The following OR52A1 variants were observed in gnomAD, a reference collection of about 807,000 sequenced individuals.
OR52A1 encodes the protein olfactory receptor family 52 subfamily A member 1.
In OR52A1, 14 loss-of-function variants were observed where a neutral mutation model predicts 14.3. The observed-to-expected ratio is 0.98, with a 90% CI of 0.65 to 1.54. The LOEUF is 1.54. OR52A1 is among the 40% of genes most tolerant of loss of function. OR52A1 has a pLI of 0.00. For missense variants in OR52A1, 405 were observed against 381.3 expected, an observed-to-expected ratio of 1.06 and a Z score of -0.52; for synonymous variants, 151 against 135.3, an observed-to-expected ratio of 1.12 and a Z score of -0.80.
chr11:5,149,333 T>C lies in OR52A1; in HGVS notation c.*2098A>G, dbSNP rs1170420992. On this transcript the variant is annotated 3_prime_UTR_variant, in exon 2 of 2. Transcript: ENST00000380367. ...TCTTTGTTGGACCTATATTACCACATATTTTTGGTGGTGCTGCTTAAAGTG... is the reference window on the plus strand; with the variant it reads ...TCTTTGTTGGACCTATATTACCACACATTTTTGGTGGTGCTGCTTAAAGTG... The C allele has an allele frequency of 1.3e-5, 2 of 152,204 alleles. No individual in the cohort carries two copies. The highest frequency in any genetic ancestry group is 4.8e-5 in the African/African-American group (2 of 41,466). 9.4% of individuals were successfully genotyped at this position (152,204 alleles called of 1,614,324 possible).
intron 1 of OR52A1, among the ~76,000 whole-genome samples, chr11:5,154,212 A>C (rs1041337198): frequency 1.3e-5 from 2 of 152,168 alleles, no homozygotes; most frequent in Non-Finnish European, 2.9e-5. Flanking sequence ...CAAAGAGCTG[A>C]CATGTGAGTA....
In OR52A1 at chr11:5,149,341, G is replaced by A. The variant is rs1441318473; in HGVS notation, c.*2090C>T. On this transcript the variant is annotated 3_prime_UTR_variant, in exon 2 of 2. Transcript: ENST00000380367. ...GGACCTATATTACCACATATTTTTG[G>A]TGGTGCTGCTTAAAGTGGTCATTGT... is the stretch of plus-strand genomic sequence containing the variant. The A allele has an allele frequency of 6.6e-6, 1 of 152,050 alleles. No individual in the cohort carries two copies. The highest frequency in any genetic ancestry group is 2.4e-5 in the African/African-American group (1 of 41,418). The allele number at this position is 152,050 out of a possible 1,614,324, so 9.4% of individuals were successfully genotyped here. A position where few individuals can be genotyped will look rare whatever the true frequency, so the allele number is the denominator to read the frequency against.
In OR52A1 at chr11:5,152,226, C is replaced by G; in HGVS notation, c.144G>C (p.Leu48=). 6.2e-7 allele frequency: 1 copy of G among 1,614,112 alleles called. No homozygotes were observed. The highest frequency in any genetic ancestry group is 8.5e-7 in the Non-Finnish European group (1 of 1,179,998). ...GACTGCGCTCAGATTTGATGATGCTCAGAAGCAAGGAATTTCCAATCATAG... is the reference window on the plus strand; with the variant it reads ...GACTGCGCTCAGATTTGATGATGCTGAGAAGCAAGGAATTTCCAATCATAG... ...LIAMIGNSLL[L]SIIKSERSLH... Residue 48 remains leucine, a synonymous_variant, in exon 2 of 2, where the codon CTG becomes CTC. Coordinates refer to ENST00000380367, the MANE Select transcript of OR52A1 (RefSeq NM_012375.3).
In OR52A1 at chr11:5,153,203, G is replaced by C. The variant is rs573174710; in HGVS notation, c.-321-513C>G. Among the ~76,000 whole-genome samples, 6 of 152,306 alleles carry C rather than the reference G, an allele frequency of 3.9e-5. No homozygotes were observed. In the East Asian group the frequency reaches 9.6e-4, roughly 24 times the overall value. ...GCCTACGGCAAGAGAACTTGCTCCT[G>C]ATAAACCACAGATACTGAATAATGG... On this transcript the variant is annotated intron_variant, in intron 1 of 1. Coordinates refer to ENST00000380367, the MANE Select transcript of OR52A1 (RefSeq NM_012375.3).
rs756636992 is a variant in OR52A1, at chr11:5,152,104, A to C, written c.266T>G (p.Phe89Cys). ...ATCAAAATAGATTTCAGGCACATTAAACCAGAATATTCCAAGCATCTTTGG... is the reference window on the plus strand; with the variant it reads ...ATCAAAATAGATTTCAGGCACATTACACCAGAATATTCCAAGCATCTTTGG... ...IMPKMLGIFW[F>C]NVPEIYFDSC... The change falls in exon 2 of 2, where the codon TTT (phenylalanine) becomes TGT (cysteine). Residue 89 changes from phenylalanine (F) to cysteine (C), a missense_variant. Phe to Cys is a radical substitution (Grantham distance 205). Transcript: ENST00000380367. The C allele has an allele frequency of 3.7e-6, 6 of 1,614,106 alleles. No individual in the cohort carries two copies. In the East Asian group the frequency reaches 1.1e-4, roughly 30 times the overall value.
At position 5,154,728 on chromosome 11, in the gene OR52A1, T is replaced by C. The variant is rs866610098; in HGVS notation, c.-603A>G. ...TCCCCCAGTAAAACTCATAGTGAGG[T>C]CTGTAGCATTCTGAAACACGGGATG... On this transcript the variant is annotated 5_prime_UTR_variant, in exon 1 of 2. Transcript: ENST00000380367. 2.6e-5 allele frequency: 4 copies of C among 152,202 alleles called. No homozygotes were observed. Among genetic ancestry groups the C allele is most frequent in the South Asian group, 2.1e-4 (1 of 4,832 alleles). The allele number at this position is 152,202 out of a possible 1,614,324, so 9.4% of individuals were successfully genotyped here. A position where few individuals can be genotyped will look rare whatever the true frequency, so the allele number is the denominator to read the frequency against.
chr11:5,151,354 A>T lies in OR52A1; in HGVS notation c.*77T>A. 8.2e-7 allele frequency: 1 copy of T among 1,214,250 alleles called. No individual in the cohort carries two copies. The highest frequency in any genetic ancestry group is 1.2e-6 in the Non-Finnish European group (1 of 859,100). 75.2% of individuals were successfully genotyped at this position (1,214,250 alleles called of 1,614,324 possible). A position where few individuals can be genotyped will look rare whatever the true frequency, so the allele number is the denominator to read the frequency against. ...ATTTCACAAACCCAGCATCTCAAAT[A>T]ATATGTTTTTTGTTTTGTTTTGATA... On this transcript the variant is annotated 3_prime_UTR_variant, in exon 2 of 2. Coordinates refer to ENST00000380367, the MANE Select transcript of OR52A1 (RefSeq NM_012375.3).
rs544280913 is a variant in OR52A1 at position 5,154,174 on chromosome 11, C to T, written c.-322+273G>A. Among the ~76,000 whole-genome samples, 24 of 152,256 alleles carry T rather than the reference C, an allele frequency of 1.6e-4. 1 individual carries two copies. In the South Asian group the frequency reaches 5.0e-3, roughly 32 times the overall value. Reference sequence around the variant, plus strand: ...AATTAGAATAAGAATCCTTTAATGGCAATCACAATGTCTGACTTATTCAAG... The same window carrying T: ...AATTAGAATAAGAATCCTTTAATGGTAATCACAATGTCTGACTTATTCAAG... On this transcript the variant is annotated intron_variant, in intron 1 of 1. Transcript: ENST00000380367.
rs2133536505 is a variant in OR52A1 at position 5,152,001 on chromosome 11, G to T, written c.369C>A (p.Asp123Glu). 1 of 1,614,066 alleles carries T rather than the reference G, an allele frequency of 6.2e-7. No individual in the cohort carries two copies. The highest frequency in any genetic ancestry group is 1.1e-5 in the South Asian group (1 of 91,082). Residue 123 changes from aspartate to glutamate, a missense_variant, in exon 2 of 2, where the codon GAC (aspartate) becomes GAA (glutamate). Coordinates refer to ENST00000380367, the MANE Select transcript of OR52A1 (RefSeq NM_012375.3). ...ESGILVAMALDRYVAICYPLR... is the reference protein window; with the variant it reads ...ESGILVAMALERYVAICYPLR... ...GTGGATAACAGATGGCCACATAACG[G>T]TCCAGGGCCATGGCCACAAGGATGC...
chr11:5,153,317 G>C (rs891769301), intron 1 of OR52A1, among the ~76,000 whole-genome samples: 4 of 152,232 alleles, frequency 2.6e-5, no homozygotes, highest in Middle Eastern at 6.8e-3. Context: ...CCCAATAAAG[G>C]CTCATTAGTT....
chr11:5,151,867 C>A lies in OR52A1; in HGVS notation c.503G>T (p.Arg168Leu). The change falls in exon 2 of 2, where the codon CGG (arginine) becomes CTG (leucine). Residue 168 changes from arginine to leucine, a missense_variant. Arg to Leu is a moderately radical substitution (Grantham distance 102, BLOSUM62 -2). Transcript: ENST00000380367. Reference protein sequence around the residue: ...VAPCLVLIKCRFQFYHTTVIS... With the variant: ...VAPCLVLIKCLFQFYHTTVIS... ...GACTGTTGTGTGATAAAATTGAAAC[C>A]GGCACTTTATCAGTACTAGGCATGG... The A allele has an allele frequency of 1.2e-6, 2 of 1,614,120 alleles. No individual in the cohort carries two copies. Among genetic ancestry groups the A allele is most frequent in the South Asian group, 2.2e-5 (2 of 91,080 alleles).
In OR52A1 at chr11:5,152,594, G is replaced by A. The variant is rs562058086; in HGVS notation, c.-225C>T. ...CATTCACAGGCACTGTGCCATAATA[G>A]GATGTTATGTGCATGGCAATCCAAA... is the stretch of plus-strand genomic sequence containing the variant. On this transcript the variant is annotated 5_prime_UTR_variant, in exon 2 of 2. Transcript: ENST00000380367. The A allele has an allele frequency of 2.5e-4, 127 of 503,618 alleles. No individual in the cohort carries two copies. Among genetic ancestry groups the A allele is most frequent in the African/African-American group, 2.2e-3 (113 of 52,498 alleles). The allele number at this position is 503,618 out of a possible 1,614,324, so 31.2% of individuals were successfully genotyped here.
Position 5,152,030 on chromosome 11 carries a change from A to G in OR52A1, c.340T>C (p.Ser114Pro), listed in dbSNP as rs1287734971. 6.2e-7 allele frequency: 1 copy of G among 1,614,068 alleles called. No homozygotes were observed. The highest frequency in any genetic ancestry group is 1.7e-5 in the Admixed American group (1 of 60,000). The stretch of plus-strand genomic sequence containing the variant: ...AGGGCCATGGCCACAAGGATGCCTG[A>G]CTCTATACCCTGCAATGTGTGGATG... ...WFIHTLQGIESGILVAMALDR... is the reference protein window; with the variant it reads ...WFIHTLQGIEPGILVAMALDR... Residue 114 changes from serine (S) to proline (P), a missense_variant, in exon 2 of 2, where the codon TCA (serine) becomes CCA (proline). Transcript: ENST00000380367.
At position 5,151,423 on chromosome 11, in the gene OR52A1, G is replaced by A. The variant is rs908504016; in HGVS notation, c.*8C>T. On this transcript the variant is annotated 3_prime_UTR_variant, in exon 2 of 2. Coordinates refer to ENST00000380367, the MANE Select transcript of OR52A1 (RefSeq NM_012375.3). ...AAAAAAGCATGTAGGCATTAATTAA[G>A]GTGGATTTTATGAACAGAACATTTT... The A allele has an allele frequency of 2.5e-6, 4 of 1,590,590 alleles. No individual in the cohort carries two copies. In the South Asian group the frequency reaches 4.6e-5, roughly 18 times the overall value.
In OR52A1 at chr11:5,151,281, T is replaced by G. The variant is rs889342617; in HGVS notation, c.*150A>C. The G allele has an allele frequency of 4.6e-6, 3 of 650,634 alleles. No individual in the cohort carries two copies. The African/African-American group carries it at 5.4e-5, about 12-fold the overall frequency. The allele number at this position is 650,634 out of a possible 1,614,324, so 40.3% of individuals were successfully genotyped here. On this transcript the variant is annotated 3_prime_UTR_variant, in exon 2 of 2. Coordinates refer to ENST00000380367, the MANE Select transcript of OR52A1 (RefSeq NM_012375.3). The stretch of plus-strand genomic sequence containing the variant: ...AGTCACGTAGAATTCACAATCCCAC[T>G]GATTGATATGAGCCATGATGATCTA...
intron 1 of OR52A1, among the ~76,000 whole-genome samples, chr11:5,153,860 T>C (rs969101291): frequency 7.4e-6 from 1 of 135,260 alleles, no homozygotes; most frequent in Non-Finnish European, 1.5e-5. Context: ...GGAAGGTAAG[T>C]AACAAGGAAG....
chr11:5,148,862 T>C lies in OR52A1; in HGVS notation c.*2569A>G, dbSNP rs374753232. ...ATATTTCTTTGTTAAATGCTAATTA[T>C]AAAGGGAATCATATTTCACCTATCA... On this transcript the variant is annotated 3_prime_UTR_variant, in exon 2 of 2. Transcript: ENST00000380367. The C allele has an allele frequency of 1.4e-4, 21 of 152,320 alleles. No individual in the cohort carries two copies. Among genetic ancestry groups the C allele is most frequent in the African/African-American group, 5.1e-4 (21 of 41,580 alleles). 9.4% of individuals were successfully genotyped at this position (152,320 alleles called of 1,614,324 possible).
In OR52A1 at chr11:5,152,482, G is replaced by A; in HGVS notation, c.-113C>T. 1.4e-6 allele frequency: 1 copy of A among 712,314 alleles called. No individual in the cohort carries two copies. 44.1% of individuals were successfully genotyped at this position (712,314 alleles called of 1,614,324 possible). On this transcript the variant is annotated 5_prime_UTR_variant, in exon 2 of 2. Transcript: ENST00000380367. Reference sequence around the variant, plus strand: ...CATTATATTGAGTCTGTCTGATTTGGGTATAACTCTAAAATCATCCATCTT... The same window carrying A: ...CATTATATTGAGTCTGTCTGATTTGAGTATAACTCTAAAATCATCCATCTT...
chr11:5,147,040 G>C lies in OR52A1; in HGVS notation c.*4391C>G, dbSNP rs1391345077. The C allele has an allele frequency of 2.0e-5, 3 of 152,150 alleles. No individual in the cohort carries two copies. Among genetic ancestry groups the C allele is most frequent in the Non-Finnish European group, 2.9e-5 (2 of 68,022 alleles). The allele number at this position is 152,150 out of a possible 1,614,324, so 9.4% of individuals were successfully genotyped here. On this transcript the variant is annotated 3_prime_UTR_variant, in exon 2 of 2. Coordinates refer to ENST00000380367, the MANE Select transcript of OR52A1 (RefSeq NM_012375.3). Reference sequence around the variant, plus strand: ...ATTTGCACTTATGCCAGAAAAGTCTGACAGCATTCTGCTTAAGATTACTCT... The same window carrying C: ...ATTTGCACTTATGCCAGAAAAGTCTCACAGCATTCTGCTTAAGATTACTCT...
Sources: gnomAD v4.1 joint callset for allele counts (sites outside exome capture counted in the v4.1 genomes callset) on GRCh38, gnomAD v4.1.1 for gene constraint, MANE v1.5 for transcripts, NCBI Gene and HGNC (gene_info 2026-07-23, HGNC 2026-07-21) for gene names.